The following CENPS variants were observed in gnomAD, a reference collection of about 807,000 sequenced individuals.
CENPS encodes FANCM associated histone fold protein 1.
A neutral mutation model predicts 17.9 loss-of-function variants in CENPS; 16 were observed. That is an observed-to-expected ratio of 0.90 (90% CI 0.61 to 1.36). The LOEUF (loss-of-function observed/expected upper bound fraction) is 1.36. Ranked by LOEUF, CENPS falls within the 40% of genes most tolerant of loss-of-function variation. CENPS has a pLI of 0.00. For missense variants in CENPS, 160 were observed against 158.6 expected (o/e 1.01, Z -0.05); for synonymous variants, 49 against 55.8 (o/e 0.88, Z 0.54).
rs772574363 is a variant in CENPS, at chr1:10,433,861, A to C, written c.71A>C (p.His24Pro). 3.1e-6 allele frequency: 5 copies of C among 1,614,040 alleles called. No individual in the cohort carries two copies. Among genetic ancestry groups the C allele is most frequent in the Non-Finnish European group, 4.2e-6 (5 of 1,180,032 alleles). Residue 24 changes from histidine (H) to proline (P), a missense_variant, in exon 2 of 5, where the codon CAC becomes CCC. His to Pro is a moderately conservative substitution (Grantham distance 77). Coordinates refer to ENST00000309048, the MANE Select transcript of CENPS (RefSeq NM_199294.3). ...CCCCAGAGGCTAAAGGCAGCAGTTC[A>C]CTATACTGTGGGTTGTCTTTGCGAG... is the stretch of plus-strand genomic sequence containing the variant. ...SYQQRLKAAVHYTVGCLCEEV... is the reference protein window; with the variant it reads ...SYQQRLKAAVPYTVGCLCEEV...
intron 3 of CENPS, among the ~76,000 whole-genome samples, chr1:10,435,411 C>G (rs562826768): frequency 8.6e-5 from 13 of 151,978 alleles, no homozygotes; most frequent in Admixed American, 8.5e-4. Flanking sequence ...CTCTTTGTTT[C>G]TCGGGTGCGT....
At chr1:10,436,264 C>A (rs1640153591) in intron 3 of CENPS, among the ~76,000 whole-genome samples, 3 of 149,800 alleles carry the variant, frequency 2.0e-5, no homozygotes, top group Admixed American at 2.0e-4. Context: ...AGGCGTTGAG[C>A]CACCGCGCCC....
At chr1:10,441,949 A>C (rs1640433918) in intron 4 of CENPS, among the ~76,000 whole-genome samples, 1 of 152,130 alleles carries the variant, frequency 6.6e-6, no homozygotes, top group Non-Finnish European at 1.5e-5. Flanking sequence ...TTAATAACAC[A>C]ACTTATTGGC....
At chr1:10,430,885 T>C in intron 1 of CENPS, 1 of 1,289,288 alleles carries the variant, frequency 7.8e-7, no homozygotes. Context: ...GATGGGGTTT[T>C]CGTGAGGGTA....
In CENPS at chr1:10,442,471, C is replaced by A; in HGVS notation, c.*66C>A. Reference sequence around the variant, plus strand: ...AGCCACCTAGAAATGCATATGGCTGCAAAGGAAACTTTGAAGGGTTAAATA... The same window carrying A: ...AGCCACCTAGAAATGCATATGGCTGAAAAGGAAACTTTGAAGGGTTAAATA... On this transcript the variant is annotated 3_prime_UTR_variant, in exon 5 of 5. Transcript: ENST00000309048. 2 of 1,436,716 alleles carry A rather than the reference C, an allele frequency of 1.4e-6. No individual in the cohort carries two copies. The highest frequency in any genetic ancestry group is 1.8e-6 in the Non-Finnish European group (2 of 1,095,970). The allele number at this position is 1,436,716 out of a possible 1,614,324, so 89.0% of individuals were successfully genotyped here.
Position 10,437,324 on chromosome 1 carries a change from C to T in CENPS, c.209+2634C>T, listed in dbSNP as rs115877933. Among the ~76,000 whole-genome samples, 877 of 151,658 alleles carry T rather than the reference C, an allele frequency of 5.8e-3. 12 individuals are homozygous for T. Among genetic ancestry groups the T allele is most frequent in the African/African-American group, 0.02 (838 of 41,348 alleles). ...GCATGAGCTGAGCCACTGTGCCTGG[C>T]ATCTTTTTTCTTTTTGGTGAGCTTG... On this transcript the variant is annotated intron_variant, in intron 3 of 4. Coordinates refer to ENST00000309048, the MANE Select transcript of CENPS (RefSeq NM_199294.3).
intron 3 of CENPS, chr1:10,440,012 T>G (rs1031901497): frequency 6.6e-6 from 2 of 302,792 alleles, no homozygotes; most frequent in Non-Finnish European, 1.2e-5. Context: ...ACACTGACCT[T>G]CTTGATTTTT....
chr1:10,432,195 C>G (rs1639952556), intron 1 of CENPS, among the ~76,000 whole-genome samples: 1 of 152,050 alleles, frequency 6.6e-6, no homozygotes, highest in African/African-American at 2.4e-5. Flanking sequence ...TCAGGAGATT[C>G]TCCTGCCTCA....
At chr1:10,435,710 T>A (rs375944750) in intron 3 of CENPS, among the ~76,000 whole-genome samples, 1 of 143,472 alleles carries the variant, frequency 7.0e-6, no homozygotes, top group Non-Finnish European at 1.5e-5. Flanking sequence ...ATAATATATA[T>A]ATATATACAC....
At chr1:10,432,348 A>G (rs519472) in intron 1 of CENPS, among the ~76,000 whole-genome samples, 87,298 of 152,028 alleles carry the variant, frequency 0.57, 26,215 homozygotes, top group African/African-American at 0.76. Context: ...GCCTCCTAAA[A>G]TGCTGAGATT....
chr1:10,430,979 C>T, intron 1 of CENPS: 1 of 1,266,200 alleles, frequency 7.9e-7, no homozygotes, highest in Non-Finnish European at 1.0e-6. Flanking sequence ...GCCCTGGAGG[C>T]GTCGACCCCT....
Position 10,430,506 on chromosome 1 carries a change from C to G in CENPS, c.-12C>G, listed in dbSNP as rs1007519312. On this transcript the variant is annotated 5_prime_UTR_variant, in exon 1 of 5. Transcript: ENST00000309048. ...CGGCCCTCCTGCGTTTGCCCAGGGT[C>G]GGCCCGCAGTGATGGAGGAGGAGGC... 1.3e-6 allele frequency: 2 copies of G among 1,537,210 alleles called. No individual in the cohort carries two copies. Among genetic ancestry groups the G allele is most frequent in the Admixed American group, 2.0e-5 (1 of 50,252 alleles).
intron 1 of CENPS, among the ~76,000 whole-genome samples, chr1:10,432,331 C>T (rs576537655): frequency 2.1e-3 from 324 of 152,260 alleles, no homozygotes; most frequent in Admixed American, 4.6e-3. Context: ...GTGATCTGCC[C>T]GCCTTGGCCT....
chr1:10,439,107 G>T (rs879069414), intron 3 of CENPS, among the ~76,000 whole-genome samples: 2 of 152,196 alleles, frequency 1.3e-5, no homozygotes, highest in Non-Finnish European at 2.9e-5. Flanking sequence ...GAGATGACAC[G>T]TGATATTTGT....
intron 1 of CENPS, among the ~76,000 whole-genome samples, chr1:10,432,852 A>T (rs894593625): frequency 3.3e-5 from 5 of 152,102 alleles, no homozygotes; most frequent in Non-Finnish European, 7.4e-5. Context: ...CAGTGATCAC[A>T]CCTGTGATCT....
At chr1:10,435,716 T>C (rs375902788) in intron 3 of CENPS, among the ~76,000 whole-genome samples, 69,069 of 141,430 alleles carry the variant, frequency 0.49, 17,015 homozygotes, top group South Asian at 0.57. Flanking sequence ...TATATATATA[T>C]ACACACACAC....
At chr1:10,431,130 A>G (rs1639893200) in intron 1 of CENPS, 1 of 1,424,460 alleles carries the variant, frequency 7.0e-7, no homozygotes, top group South Asian at 1.5e-5. Flanking sequence ...AATCGTCATA[A>G]GAATAATCAC....
intron 3 of CENPS, 67 bp downstream of exon 3, chr1:10,434,757 G>T: frequency 6.5e-7 from 1 of 1,532,858 alleles, no homozygotes; most frequent in Non-Finnish European, 8.7e-7. Flanking sequence ...CCATCTGGTG[G>T]GTTATTTCAG....
chr1:10,433,347 G>A (rs1234725989), intron 1 of CENPS, among the ~76,000 whole-genome samples: 1 of 152,176 alleles, frequency 6.6e-6, no homozygotes, highest in Non-Finnish European at 1.5e-5. Flanking sequence ...AGCCTTTCCC[G>A]TGTTGTACTT....
Sources: allele counts gnomAD v4.1 joint callset (sites outside exome capture counted in the v4.1 genomes callset), GRCh38; gene constraint gnomAD v4.1.1; transcripts MANE v1.5; gene names NCBI Gene and HGNC (gene_info 2026-07-23, HGNC 2026-07-21).